The following STK11IP variants were observed in gnomAD, a reference collection of about 807,000 sequenced individuals.
STK11IP encodes serine/threonine-protein kinase 11-interacting protein.
In STK11IP, 103 loss-of-function variants were observed where a neutral mutation model predicts 131.7. That is an observed-to-expected ratio of 0.78 (90% CI 0.67 to 0.92). The LOEUF is 0.92. STK11IP is among the 40% of genes least tolerant of loss of function. The pLI, the probability that STK11IP is intolerant of heterozygous loss-of-function variation, is 0.00. For missense variants in STK11IP, 1,315 were observed against 1,385.7 expected, an observed-to-expected ratio of 0.95 and a Z score of 0.81; for synonymous variants, 557 against 575.6, an observed-to-expected ratio of 0.97 and a Z score of 0.46.
intron 17 of STK11IP, 39 bp from the exon 18 acceptor site, chr2:219,611,565 G>A (rs115415957): frequency 8.7e-6 from 13 of 1,496,420 alleles, no homozygotes; most frequent in African/African-American, 1.4e-5. Context: ...GTGGCACTGT[G>A]GGGGGGGCTC....
At position 219,609,374 on chromosome 2, in the gene STK11IP, C is replaced by T. The variant is rs910381784; in HGVS notation, c.1938C>T (p.Ala646=). 1.2e-5 allele frequency: 19 copies of T among 1,613,552 alleles called. No homozygotes were observed. Among genetic ancestry groups the T allele is most frequent in the African/African-American group, 4.0e-5 (3 of 74,948 alleles). The part of the protein sequence containing the change: ...DAHAAVQELL[A]VLTPVTNVAR... ...CCACCCTCTGTCAGGAGCTGCTTGC[C>T]GTGTTGACCCCAGTCACCAATGTGG... Residue 646 remains alanine, a synonymous_variant, in exon 17 of 25, where the codon GCC becomes GCT. Coordinates refer to ENST00000456909, the MANE Select transcript of STK11IP (RefSeq NM_052902.4).
Position 219,614,249 on chromosome 2 carries a change from C to T in STK11IP, c.2798+7C>T, listed in dbSNP as rs1424762611. 6 of 1,612,970 alleles carry T rather than the reference C, an allele frequency of 3.7e-6. No individual in the cohort carries two copies. The highest frequency in any genetic ancestry group is 1.3e-5 in the African/African-American group (1 of 74,896). On this transcript the variant is annotated splice_region_variant and intron_variant, in intron 22 of 24. Coordinates refer to ENST00000456909, the MANE Select transcript of STK11IP (RefSeq NM_052902.4). The stretch of plus-strand genomic sequence containing the variant: ...CCCCCCAGCACCGGCTCTGGTGAGT[C>T]GATAGGAGGCAGAGGCTGGGGTTGC...
chr2:219,611,788 T>G lies in STK11IP; in HGVS notation c.2289T>G (p.Pro763=). 1 of 1,612,908 alleles carries G rather than the reference T, an allele frequency of 6.2e-7. No homozygotes were observed. Among genetic ancestry groups the G allele is most frequent in the Non-Finnish European group, 8.5e-7 (1 of 1,179,822 alleles). The change falls in exon 18 of 25, where the codon CCT becomes CCG. Residue 763 remains proline, a synonymous_variant. Transcript: ENST00000456909. The part of the protein sequence containing the change: ...DHLDRAKNSP[P]QAPSTRDHGS... Reference sequence around the variant, plus strand: ...TTGACAGGGCCAAGAACAGCCCACCTCAGGCACCGAGCACCCGTGACCATG... The same window carrying G: ...TTGACAGGGCCAAGAACAGCCCACCGCAGGCACCGAGCACCCGTGACCATG...
Position 219,615,739 on chromosome 2 carries a change from G to A in STK11IP, c.3118-305G>A, listed in dbSNP as rs1246866364. On this transcript the variant is annotated intron_variant, in intron 24 of 24. Transcript: ENST00000456909. ...AGCTGAGGCTTGGGGATGTTAACCA[G>A]TTTGCCCAGTCCAAAGTGGTGGAGC... 4.6e-6 allele frequency: 3 copies of A among 655,570 alleles called. No homozygotes were observed. In the African/African-American group the frequency reaches 5.3e-5, roughly 12 times the overall value. 40.6% of individuals were successfully genotyped at this position (655,570 alleles called of 1,614,324 possible).
intron 17 of STK11IP, among the ~76,000 whole-genome samples, chr2:219,610,583 T>C (rs1328564974): frequency 6.6e-6 from 1 of 152,122 alleles, no homozygotes; most frequent in African/African-American, 2.4e-5. Context: ...TTTGTATTTT[T>C]AGTAGAGATG....
At position 219,611,715 on chromosome 2, in the gene STK11IP, C is replaced by T; in HGVS notation, c.2216C>T (p.Ser739Phe). The T allele has an allele frequency of 6.2e-7, 1 of 1,612,654 alleles. No individual in the cohort carries two copies. The highest frequency in any genetic ancestry group is 8.5e-7 in the Non-Finnish European group (1 of 1,179,876). ...CAGGGAGAGCAGTCTCTGGCTCCTTCTCCGTCTGCCAGCCCTGTCTGCCAC... is the reference window on the plus strand; with the variant it reads ...CAGGGAGAGCAGTCTCTGGCTCCTTTTCCGTCTGCCAGCCCTGTCTGCCAC... ...RKQGEQSLAP[S>F]PSASPVCHPP... The change falls in exon 18 of 25, where the codon TCT becomes TTT. Residue 739 changes from serine to phenylalanine, a missense_variant. Physicochemically the swap from Ser to Phe is radical, Grantham distance 155 (BLOSUM62 -2). Coordinates refer to ENST00000456909, the MANE Select transcript of STK11IP (RefSeq NM_052902.4).
At chr2:219,602,658 G>T in intron 6 of STK11IP, 47 bp from the exon 7 acceptor site, 1 of 1,612,182 alleles carries the variant, frequency 6.2e-7, no homozygotes, top group African/African-American at 1.3e-5. Flanking sequence ...TGACCAGATA[G>T]TATTGTAGTG....
rs749400929 is a variant in STK11IP at position 219,616,122 on chromosome 2, G to T, written c.3196G>T (p.Glu1066Ter). 3 of 1,613,742 alleles carry T rather than the reference G, an allele frequency of 1.9e-6. No individual in the cohort carries two copies. The East Asian group carries it at 6.7e-5, about 36-fold the overall frequency. Reference sequence around the variant, plus strand: ...GACAGCCCTGCTTGCCTGGATCCGGGAACCATGGGAGGAGCTGTTTTCCAT... The same window carrying T: ...GACAGCCCTGCTTGCCTGGATCCGGTAACCATGGGAGGAGCTGTTTTCCAT... The part of the protein sequence containing the change: ...QLTALLAWIR[E>*]PWEELFSIGL... The change falls in exon 25 of 25, where the codon GAA (glutamate) becomes TAA (stop). Residue 1066 changes from glutamate (E) to a stop codon, truncating the protein, a stop_gained. Coordinates refer to ENST00000456909, the MANE Select transcript of STK11IP (RefSeq NM_052902.4). LOFTEE classifies it high-confidence loss of function.
At chr2:219,601,514 G>A in intron 3 of STK11IP, 74 bp downstream of exon 3, 1 of 1,573,196 alleles carries the variant, frequency 6.4e-7, no homozygotes, top group Non-Finnish European at 8.6e-7. Flanking sequence ...TAGGGTAGGG[G>A]TGCAGAAGTC....
intron 24 of STK11IP, 21 bp downstream of exon 24, chr2:219,615,362 TGA>T (rs755636443): frequency 1.3e-6 from 2 of 1,584,862 alleles, no homozygotes; most frequent in Non-Finnish European, 1.7e-6. Context: ...GTATCTCCAG[TGA>T]GAGGGAGGGA....
At chr2:219,608,479 T>A (rs533097220) in intron 14 of STK11IP, 49 bp downstream of exon 14, 2 of 1,530,798 alleles carry the variant, frequency 1.3e-6, no homozygotes, top group South Asian at 1.3e-5. Flanking sequence ...GCCCTTGGGA[T>A]GTTTGTGAGT....
At chr2:219,607,183 C>G in intron 13 of STK11IP, 46 bp downstream of exon 13, 1 of 1,581,624 alleles carries the variant, frequency 6.3e-7, no homozygotes, top group Non-Finnish European at 8.7e-7. Flanking sequence ...CCAGCGAGCT[C>G]ACTCTAATTT....
At chr2:219,603,804 G>A (rs1030814515) in intron 7 of STK11IP, among the ~76,000 whole-genome samples, 1 of 152,186 alleles carries the variant, frequency 6.6e-6, no homozygotes, top group African/African-American at 2.4e-5. Flanking sequence ...ACAGGTGTGA[G>A]CCACCGTGCC....
At position 219,609,235 on chromosome 2, in the gene STK11IP, G is replaced by A. The variant is rs1203878048; in HGVS notation, c.1926+22G>A. On this transcript the variant is annotated intron_variant, in intron 16 of 24. Coordinates refer to ENST00000456909, the MANE Select transcript of STK11IP (RefSeq NM_052902.4). ...CCAGGTGATGGCGCCCAGAGTGGGGGCCCAGGAGGCTGTGGGGATTAAGAG... is the reference window on the plus strand; with the variant it reads ...CCAGGTGATGGCGCCCAGAGTGGGGACCCAGGAGGCTGTGGGGATTAAGAG... The A allele has an allele frequency of 1.9e-6, 3 of 1,580,848 alleles. No homozygotes were observed. The Admixed American group carries it at 5.5e-5, about 29-fold the overall frequency.
chr2:219,598,028 G>T, intron 1 of STK11IP, 66 bp from the exon 2 acceptor site: 1 of 1,567,610 alleles, frequency 6.4e-7, no homozygotes, highest in African/African-American at 1.4e-5. Flanking sequence ...CGGTTTGCGC[G>T]GACGCCCTGG....
chr2:219,616,294 T>G lies in STK11IP; in HGVS notation c.*101T>G. 2.1e-6 allele frequency: 3 copies of G among 1,429,626 alleles called. No individual in the cohort carries two copies. Among genetic ancestry groups the G allele is most frequent in the Non-Finnish European group, 2.8e-6 (3 of 1,067,184 alleles). The allele number at this position is 1,429,626 out of a possible 1,614,324, so 88.6% of individuals were successfully genotyped here. On this transcript the variant is annotated 3_prime_UTR_variant, in exon 25 of 25. Transcript: ENST00000456909. The stretch of plus-strand genomic sequence containing the variant: ...CTTCCAGGCTCTGGCTGTGGATGTC[T>G]TCAGCCTCTGGGTGCTGGCCAGTGA...
rs1426669373 is a variant in STK11IP at position 219,608,402 on chromosome 2, A to G, written c.1575A>G (p.Glu525=). The change falls in exon 14 of 25, where the codon GAA becomes GAG. Residue 525 remains glutamate, a synonymous_variant. Transcript: ENST00000456909. ...QGEEEAGEEE[E]EEQDQKEVEA... ...AAGAGGAGGCAGGAGAGGAGGAAGAAGAGGAGCAGGACCAGAAGGAAGTGG... is the reference window on the plus strand; with the variant it reads ...AAGAGGAGGCAGGAGAGGAGGAAGAGGAGGAGCAGGACCAGAAGGAAGTGG... 7.0e-6 allele frequency: 11 copies of G among 1,574,222 alleles called. No homozygotes were observed. Among genetic ancestry groups the G allele is most frequent in the African/African-American group, 1.3e-5 (1 of 74,158 alleles).
At position 219,611,003 on chromosome 2, in the gene STK11IP, T is replaced by C. The variant is rs1698379280; in HGVS notation, c.2105-601T>C. On this transcript the variant is annotated intron_variant, in intron 17 of 24. Transcript: ENST00000456909. ...GAGGTAGCGCATGCCCATCACGGTG[T>C]AGCTGCTCAGAGTGCTGCCTCTCTC... is the stretch of plus-strand genomic sequence containing the variant. Among the ~76,000 whole-genome samples, 14 of 152,350 alleles carry C rather than the reference T, an allele frequency of 9.2e-5. No individual in the cohort carries two copies. In the South Asian group the frequency reaches 2.9e-3, roughly 32 times the overall value.
intron 7 of STK11IP, 77 bp downstream of exon 7, chr2:219,602,853 C>A: frequency 2.2e-6 from 3 of 1,391,744 alleles, no homozygotes; most frequent in South Asian, 1.2e-5. Context: ...CCTTGACCAG[C>A]TTTTACTCCC....
Sources: allele counts gnomAD v4.1 joint callset (sites outside exome capture counted in the v4.1 genomes callset), GRCh38; gene constraint gnomAD v4.1.1; transcripts MANE v1.5; gene names NCBI Gene and HGNC (gene_info 2026-07-23, HGNC 2026-07-21).